CILK1: variants seen among roughly 807,000 people sequenced by gnomAD.
CILK1 encodes the protein serine/threonine-protein kinase ICK.
In CILK1, 47 loss-of-function variants were observed where a neutral mutation model predicts 79.2. The observed-to-expected ratio is 0.59, with a 90% confidence interval of 0.47 to 0.76. CILK1 has a LOEUF of 0.76. Ranked by LOEUF, CILK1 falls within the 30% of genes least tolerant of loss-of-function variation. The pLI, the probability that CILK1 is intolerant of heterozygous loss-of-function variation, is 0.00. For synonymous variants in CILK1, 266 were observed against 275.9 expected, an observed-to-expected ratio of 0.96 and a Z score of 0.36; for missense variants, 660 against 769.5, an observed-to-expected ratio of 0.86 and a Z score of 1.68.
chr6:53,049,898 T>C (rs886107974), intron 1 of CILK1, among the ~76,000 whole-genome samples: 7 of 152,056 alleles, frequency 4.6e-5, no homozygotes, highest in African/African-American at 1.7e-4. Context: ...TTTTTGTATT[T>C]TTCGTAGAGA....
rs1414172890 is a variant in CILK1, at chr6:53,038,069, C to T, written c.102-76G>A. On this transcript the variant is annotated intron_variant, in intron 2 of 13. Coordinates refer to ENST00000676107, the MANE Select transcript of CILK1 (RefSeq NM_014920.5). ...AAACTTTGCTTTTAGAAAAATGCTT[C>T]CATTCTGATCCTAATTAACAGTACT... 6 of 930,228 alleles carry T rather than the reference C, an allele frequency of 6.5e-6. No individual in the cohort carries two copies. The Admixed American group carries it at 8.8e-5, about 14-fold the overall frequency. 57.6% of individuals were successfully genotyped at this position (930,228 alleles called of 1,614,324 possible). A position where few individuals can be genotyped will look rare whatever the true frequency, so the allele number is the denominator to read the frequency against.
intron 1 of CILK1, among the ~76,000 whole-genome samples, chr6:53,061,268 C>T (rs555974410): frequency 6.6e-6 from 1 of 152,314 alleles, no homozygotes; most frequent in Admixed American, 6.5e-5. Context: ...GCTCAGACCC[C>T]TTGTGGGACA....
chr6:53,006,267 G>A (rs777881756), intron 13 of CILK1, 48 bp downstream of exon 13: 5 of 1,585,946 alleles, frequency 3.2e-6, no homozygotes, highest in East Asian at 4.5e-5. Flanking sequence ...CAGTTGTTGA[G>A]TAACCATTTG....
chr6:53,018,566 A>C, intron 6 of CILK1, 65 bp from the exon 7 acceptor site: 4 of 1,477,064 alleles, frequency 2.7e-6, no homozygotes, highest in African/African-American at 1.4e-5. Context: ...TTAAATAACA[A>C]TCAGTTCTCA....
rs1764069357 is a variant in CILK1, at chr6:53,003,873, C to T, written c.*1276G>A. ...TCACTGATGGTGACCTTCCCTCTTG[C>T]CTTTAAGGCAACCATAAGTGAGGCA... is the stretch of plus-strand genomic sequence containing the variant. On this transcript the variant is annotated 3_prime_UTR_variant, in exon 14 of 14. Coordinates refer to ENST00000676107, the MANE Select transcript of CILK1 (RefSeq NM_014920.5). 6.6e-6 allele frequency: 1 copy of T among 152,620 alleles called. No homozygotes were observed. Among genetic ancestry groups the T allele is most frequent in the South Asian group, 2.1e-4 (1 of 4,832 alleles). The allele number at this position is 152,620 out of a possible 1,614,324, so 9.5% of individuals were successfully genotyped here. A position where few individuals can be genotyped will look rare whatever the true frequency, so the allele number is the denominator to read the frequency against.
At chr6:53,053,793 C>T (rs1767651611) in intron 1 of CILK1, among the ~76,000 whole-genome samples, 1 of 152,188 alleles carries the variant, frequency 6.6e-6, no homozygotes, top group African/African-American at 2.4e-5. Flanking sequence ...TTGGCAGCAC[C>T]AACATGCCCA....
chr6:53,045,411 G>T (rs929119235), intron 1 of CILK1, among the ~76,000 whole-genome samples: 12 of 152,054 alleles, frequency 7.9e-5, no homozygotes, highest in Admixed American at 6.6e-4. Context: ...GTACAATGGC[G>T]CCAAAGCTAC....
rs539416110 is a variant in CILK1 at position 53,050,520 on chromosome 6, ATATT to A, written c.-172-9116_-172-9113del. ...ATAAGTATATATGTAAATATGTGAC[ATATT>A]TATTTTATAAAATTATATAGGCTGG... is the stretch of plus-strand genomic sequence containing the variant. On this transcript the variant is annotated intron_variant, in intron 1 of 13. Transcript: ENST00000676107. Among the ~76,000 whole-genome samples, 570 of 151,558 alleles carry A rather than the reference ATATT, an allele frequency of 3.8e-3. 2 individuals are homozygous for A. The highest frequency in any genetic ancestry group is 0.013 in the African/African-American group (551 of 41,434).
At chr6:53,043,637 A>T (rs1766859321) in intron 1 of CILK1, among the ~76,000 whole-genome samples, 1 of 152,106 alleles carries the variant, frequency 6.6e-6, no homozygotes, top group African/African-American at 2.4e-5. Context: ...ATGACTAATA[A>T]ATATTTATAA....
intron 1 of CILK1, among the ~76,000 whole-genome samples, chr6:53,053,511 T>A (rs1302757442): frequency 6.6e-6 from 1 of 152,202 alleles, no homozygotes; most frequent in Non-Finnish European, 1.5e-5. Flanking sequence ...ACTATTACAA[T>A]TATCCCTATT....
chr6:53,051,062 C>T (rs1375711871), intron 1 of CILK1, among the ~76,000 whole-genome samples: 2 of 151,990 alleles, frequency 1.3e-5, no homozygotes, highest in African/African-American at 4.8e-5. Context: ...CACAAATGAC[C>T]AGAAGACATG....
chr6:53,034,959 G>A (rs912068058), intron 3 of CILK1, among the ~76,000 whole-genome samples: 67 of 152,218 alleles, frequency 4.4e-4, no homozygotes, highest in African/African-American at 1.4e-3. Context: ...ACTGAGTGGA[G>A]GACTCTGTGT....
At chr6:53,060,146 T>C (rs1173110856) in intron 1 of CILK1, among the ~76,000 whole-genome samples, 1 of 152,252 alleles carries the variant, frequency 6.6e-6, no homozygotes, top group East Asian at 1.9e-4. Context: ...AACAATAAAG[T>C]ATAAAAAGGG....
At chr6:53,026,652 A>G (rs1765600927) in intron 5 of CILK1, among the ~76,000 whole-genome samples, 1 of 152,198 alleles carries the variant, frequency 6.6e-6, no homozygotes, top group Admixed American at 6.5e-5. Context: ...TCTGATTCGT[A>G]GCAGGGTTCC....
chr6:53,053,063 A>AC (rs1276978766), intron 1 of CILK1, among the ~76,000 whole-genome samples: 1 of 151,746 alleles, frequency 6.6e-6, no homozygotes. Flanking sequence ...AAAAAAAAAA[A>AC]AACCTTATAC....
intron 5 of CILK1, among the ~76,000 whole-genome samples, chr6:53,025,208 T>G (rs1303382615): frequency 1.3e-5 from 2 of 152,140 alleles, no homozygotes; most frequent in Non-Finnish European, 2.9e-5. Context: ...ATAGACTCCC[T>G]TTTTCTCATT....
At chr6:53,007,168 G>A (rs762799728) in intron 12 of CILK1, among the ~76,000 whole-genome samples, 7 of 152,136 alleles carry the variant, frequency 4.6e-5, no homozygotes, top group Non-Finnish European at 7.4e-5. Context: ...TGTTATTATT[G>A]CCCGTTATAG....
chr6:53,043,368 G>C (rs896727073), intron 1 of CILK1, among the ~76,000 whole-genome samples: 10 of 151,802 alleles, frequency 6.6e-5, no homozygotes, highest in African/African-American at 2.4e-4. Flanking sequence ...AATCCAGACT[G>C]TGTTCTCCTG....
At chr6:53,034,409 A>G (rs1298082745) in intron 3 of CILK1, among the ~76,000 whole-genome samples, 1 of 152,194 alleles carries the variant, frequency 6.6e-6, no homozygotes, top group Non-Finnish European at 1.5e-5. Context: ...TGGCTTTATG[A>G]AGATGTATTT....
Sources: allele counts gnomAD v4.1 joint callset (sites outside exome capture counted in the v4.1 genomes callset), GRCh38; gene constraint gnomAD v4.1.1; transcripts MANE v1.5; gene names NCBI Gene and HGNC (gene_info 2026-07-23, HGNC 2026-07-21).